Variants in LRRC4C observed in about 807,000 individuals in gnomAD.
LRRC4C encodes the protein leucine rich repeat containing 4C, also known as leucine-rich repeat-containing protein 4C.
LRRC4C carries 5 observed loss-of-function variants against 33.6 expected under a neutral mutation model. The ratio of observed to expected loss-of-function variants is 0.15; its 90% CI spans 0.08 to 0.31. The LOEUF (loss-of-function observed/expected upper bound fraction) is 0.31, where lower values mean the gene tolerates loss of function less well. LRRC4C is among the 10% of genes least tolerant of loss of function. LRRC4C has a pLI of 1.00. For synonymous variants in LRRC4C, 329 were observed against 302.0 expected (o/e 1.09, Z -0.93); for missense variants, 560 against 796.7 (o/e 0.70, Z 3.58).
At chr11:40,632,326 G>A (rs921735421) in intron 3 of LRRC4C, among the ~76,000 whole-genome samples, 2 of 152,132 alleles carry the variant, frequency 1.3e-5, no homozygotes, top group East Asian at 3.9e-4. Flanking sequence ...AAGCTCACAC[G>A]CAGAAAGATT....
intron 3 of LRRC4C, among the ~76,000 whole-genome samples, chr11:40,547,228 C>A (rs1956959555): frequency 6.6e-6 from 1 of 152,100 alleles, no homozygotes; most frequent in African/African-American, 2.4e-5. Context: ...TCACTGGCAC[C>A]TTTATGAGCT....
intron 3 of LRRC4C, among the ~76,000 whole-genome samples, chr11:40,594,714 A>T (rs1041201521): frequency 1.3e-5 from 2 of 152,192 alleles, no homozygotes; most frequent in African/African-American, 2.4e-5. Flanking sequence ...TGTGACTGAC[A>T]TCTCTGATTT....
At chr11:40,871,244 C>A (rs865873249) in intron 2 of LRRC4C, among the ~76,000 whole-genome samples, 1 of 152,076 alleles carries the variant, frequency 6.6e-6, no homozygotes, top group Non-Finnish European at 1.5e-5. Flanking sequence ...GCCCTGCCTC[C>A]ATTTGCCTTG....
At chr11:40,702,097 A>G (rs539464259) in intron 2 of LRRC4C, among the ~76,000 whole-genome samples, 1 of 152,220 alleles carries the variant, frequency 6.6e-6, no homozygotes, top group South Asian at 2.1e-4. Flanking sequence ...AGACGTTACT[A>G]TTATTAAAAG....
At chr11:41,063,943 G>A (rs1035585639) in intron 1 of LRRC4C, among the ~76,000 whole-genome samples, 2 of 152,120 alleles carry the variant, frequency 1.3e-5, no homozygotes, top group Non-Finnish European at 2.9e-5. Context: ...GTGGTTTGGA[G>A]GTAGAATTGG....
chr11:41,085,949 A>G (rs944830495), intron 1 of LRRC4C, among the ~76,000 whole-genome samples: 248 of 150,136 alleles, frequency 1.7e-3, no homozygotes, highest in African/African-American at 5.2e-3. Context: ...AAAAAAAAAA[A>G]AAAGAAAGAA....
chr11:40,597,042 T>C (rs1959403600), intron 3 of LRRC4C, among the ~76,000 whole-genome samples: 1 of 152,212 alleles, frequency 6.6e-6, no homozygotes, highest in Admixed American at 6.5e-5. Flanking sequence ...TTATTGATTA[T>C]TGAACATATA....
At chr11:40,463,874 A>G (rs1243436812) in intron 3 of LRRC4C, among the ~76,000 whole-genome samples, 1 of 152,084 alleles carries the variant, frequency 6.6e-6, no homozygotes, top group East Asian at 1.9e-4. Context: ...ATAGCAGTCT[A>G]TAGAAAATTG....
chr11:40,563,026 C>T (rs901826434), intron 3 of LRRC4C, among the ~76,000 whole-genome samples: 1 of 151,866 alleles, frequency 6.6e-6, no homozygotes, highest in African/African-American at 2.4e-5. Context: ...CTCTCCTCTC[C>T]TCTTGATCAT....
chr11:40,539,120 T>G (rs1198813692), intron 3 of LRRC4C, among the ~76,000 whole-genome samples: 1 of 152,200 alleles, frequency 6.6e-6, no homozygotes, highest in Non-Finnish European at 1.5e-5. Context: ...GTGGTCATAT[T>G]GATAAATATG....
At chr11:40,806,444 C>T (rs77709677) in intron 2 of LRRC4C, among the ~76,000 whole-genome samples, 4,296 of 152,280 alleles carry the variant, frequency 0.028, 196 homozygotes, top group African/African-American at 0.097. Flanking sequence ...CTGGGGCAAA[C>T]GCCCCAAGAG....
intron 1 of LRRC4C, among the ~76,000 whole-genome samples, chr11:41,029,148 G>A (rs924451748): frequency 2.0e-5 from 3 of 151,728 alleles, no homozygotes; most frequent in Non-Finnish European, 4.4e-5. Flanking sequence ...TCCCAAACTA[G>A]TCGACTACAT....
chr11:40,183,141 T>C (rs892843433), intron 5 of LRRC4C, among the ~76,000 whole-genome samples: 1 of 152,166 alleles, frequency 6.6e-6, no homozygotes, highest in Non-Finnish European at 1.5e-5. Flanking sequence ...TTTGGTAACA[T>C]CCAGGAAAAT....
chr11:41,039,368 T>G (rs775891596), intron 1 of LRRC4C, among the ~76,000 whole-genome samples: 2 of 152,216 alleles, frequency 1.3e-5, no homozygotes, highest in Non-Finnish European at 2.9e-5. Flanking sequence ...ACTTCTGTGT[T>G]AAGTTCAGGG....
chr11:40,678,959 A>G (rs1240392834), intron 2 of LRRC4C, among the ~76,000 whole-genome samples: 1 of 152,112 alleles, frequency 6.6e-6, no homozygotes, highest in African/African-American at 2.4e-5. Flanking sequence ...GGCTCAGAAG[A>G]CAGGAAAATG....
chr11:40,757,407 C>G (rs1949007728), intron 2 of LRRC4C, among the ~76,000 whole-genome samples: 1 of 151,994 alleles, frequency 6.6e-6, no homozygotes. Flanking sequence ...ATTCATGTTA[C>G]TAGAAAAATT....
chr11:41,066,554 GA>G (rs1938254954), intron 1 of LRRC4C, among the ~76,000 whole-genome samples: 1 of 152,086 alleles, frequency 6.6e-6, no homozygotes, highest in African/African-American at 2.4e-5. Context: ...GCAAATTCAG[GA>G]AATACAGACA....
chr11:40,409,171 G>A (rs183716083), intron 3 of LRRC4C, among the ~76,000 whole-genome samples: 142 of 152,066 alleles, frequency 9.3e-4, no homozygotes, highest in Non-Finnish European at 1.3e-3. Flanking sequence ...TAAATAAATA[G>A]TTTTGAGAAT....
At chr11:40,757,479 C>T (rs1401362187) in intron 2 of LRRC4C, among the ~76,000 whole-genome samples, 1 of 151,952 alleles carries the variant, frequency 6.6e-6, no homozygotes, top group Non-Finnish European at 1.5e-5. Flanking sequence ...ATGCTCTTTC[C>T]AAGGAAAAGG....
Sources: gnomAD v4.1 joint callset for allele counts (sites outside exome capture counted in the v4.1 genomes callset) on GRCh38, gnomAD v4.1.1 for gene constraint, MANE v1.5 for transcripts, NCBI Gene and HGNC (gene_info 2026-07-23, HGNC 2026-07-21) for gene names.